PREP: variants seen among roughly 807,000 people sequenced by gnomAD.
PREP encodes the protein prolyl endopeptidase, also known as dJ355L5.1 (prolyl endopeptidase).
Under a neutral mutation model 87.6 loss-of-function variants are expected in PREP, and 29 were observed. The ratio of observed to expected loss-of-function variants is 0.33; its 90% CI spans 0.25 to 0.45. The LOEUF (loss-of-function observed/expected upper bound fraction) is 0.45. PREP is among the 20% of genes least tolerant of loss of function. The pLI, the probability that PREP is intolerant of heterozygous loss-of-function variation, is 1.00. For missense variants in PREP, 695 were observed against 886.5 expected (o/e 0.78, Z 2.74); for synonymous variants, 337 against 328.6 (o/e 1.03, Z -0.28).
intron 10 of PREP, among the ~76,000 whole-genome samples, chr6:105,316,250 A>G (rs1228644371): frequency 6.6e-6 from 1 of 152,164 alleles, no homozygotes; most frequent in African/African-American, 2.4e-5. Flanking sequence ...TAGGGTTATT[A>G]TTTGGCCTAA....
intron 10 of PREP, among the ~76,000 whole-genome samples, chr6:105,311,378 G>A (rs1562195231): frequency 1.3e-5 from 2 of 151,900 alleles, no homozygotes; most frequent in Non-Finnish European, 2.9e-5. Flanking sequence ...CTTCTCTTAG[G>A]TCCTCTCTGA....
At chr6:105,355,807 T>C (rs1280503592) in intron 6 of PREP, among the ~76,000 whole-genome samples, 1 of 152,230 alleles carries the variant, frequency 6.6e-6, no homozygotes, top group Non-Finnish European at 1.5e-5. Flanking sequence ...TAGTTTTGAT[T>C]GTCCTGTCTT....
chr6:105,355,398 G>A (rs949381096), intron 6 of PREP, among the ~76,000 whole-genome samples: 8 of 152,126 alleles, frequency 5.3e-5, no homozygotes, highest in African/African-American at 1.9e-4. Context: ...GGCAATCAAG[G>A]TAAACCCCAT....
chr6:105,362,114 C>T (rs1772264024), intron 6 of PREP, among the ~76,000 whole-genome samples: 1 of 152,190 alleles, frequency 6.6e-6, no homozygotes, highest in East Asian at 1.9e-4. Flanking sequence ...GATATAGGCA[C>T]TACTGTTTCT....
chr6:105,310,611 C>T (rs191995741), intron 10 of PREP, among the ~76,000 whole-genome samples: 11 of 152,262 alleles, frequency 7.2e-5, no homozygotes. Context: ...CAGCTCTCAC[C>T]TCCCTGGCTG....
chr6:105,283,877 T>TTACTC (rs757520799), intron 12 of PREP, among the ~76,000 whole-genome samples: 1 of 152,184 alleles, frequency 6.6e-6, no homozygotes, highest in Non-Finnish European at 1.5e-5. Context: ...TAGGACCAAA[T>TTACTC]TACTCTTCCC....
intron 10 of PREP, among the ~76,000 whole-genome samples, chr6:105,290,024 T>C (rs1770268921): frequency 6.6e-6 from 1 of 152,086 alleles, no homozygotes; most frequent in Admixed American, 6.5e-5. Flanking sequence ...ACGCCTGCAA[T>C]CTGGTAGCTT....
chr6:105,344,845 A>G (rs1456923758), intron 7 of PREP, among the ~76,000 whole-genome samples: 1 of 152,220 alleles, frequency 6.6e-6, no homozygotes, highest in East Asian at 1.9e-4. Flanking sequence ...AAAAGTAAAA[A>G]AAAATCATTC....
At chr6:105,282,397 G>A in intron 13 of PREP, 54 bp downstream of exon 13, 1 of 1,569,268 alleles carries the variant, frequency 6.4e-7, no homozygotes, top group Non-Finnish European at 8.6e-7. Context: ...TGGTGTATCT[G>A]AAAACCCCAA....
intron 2 of PREP, among the ~76,000 whole-genome samples, chr6:105,396,912 G>A (rs1024576487): frequency 3.3e-5 from 5 of 152,064 alleles, no homozygotes; most frequent in African/African-American, 7.2e-5. Flanking sequence ...GGCTGGGCGC[G>A]ATGGTGCACA....
chr6:105,333,834 A>AGTC (rs2114659679), intron 7 of PREP, among the ~76,000 whole-genome samples: 1 of 152,124 alleles, frequency 6.6e-6, no homozygotes, highest in Non-Finnish European at 1.5e-5. Flanking sequence ...CACCATTCCA[A>AGTC]GTCGTCGTCG....
intron 7 of PREP, 53 bp downstream of exon 7, chr6:105,352,919 T>C (rs982208871): frequency 1.4e-6 from 2 of 1,469,100 alleles, no homozygotes; most frequent in Non-Finnish European, 1.9e-6. Flanking sequence ...ACAATAATAC[T>C]TTTTAAATGA....
At chr6:105,329,160 T>C in intron 8 of PREP, 134 bp from the exon 9 acceptor site, 1 of 874,262 alleles carries the variant, frequency 1.1e-6, no homozygotes, top group Non-Finnish European at 1.7e-6. Flanking sequence ...TTTACATTTT[T>C]TTTTTTTTTT....
Position 105,282,574 on chromosome 6 carries a change from A to AGAT in PREP, c.1555_1557dup (p.Ile519dup), listed in dbSNP as rs1243050026. The AGAT allele has an allele frequency of 6.2e-7, 1 of 1,614,086 alleles. No homozygotes were observed. Among genetic ancestry groups the AGAT allele is most frequent in the South Asian group, 1.1e-5 (1 of 91,048 alleles). ...TCAAAGCAGTTTTGTTTGTTGGCCA[A>AGAT]GATACCACCTACAGTGTGCCAAAGT... On this transcript the variant is annotated inframe_insertion, in exon 13 of 15. Transcript: ENST00000652536.
intron 6 of PREP, among the ~76,000 whole-genome samples, chr6:105,361,215 T>G (rs1473778370): frequency 2.6e-5 from 4 of 152,320 alleles, no homozygotes; most frequent in African/African-American, 9.6e-5. Flanking sequence ...AAGCATTTCA[T>G]GTTTTAAACT....
At chr6:105,371,271 G>C (rs11968706) in intron 5 of PREP, among the ~76,000 whole-genome samples, 1 of 152,102 alleles carries the variant, frequency 6.6e-6, no homozygotes, top group East Asian at 1.9e-4. Context: ...TTGGGAGGCC[G>C]AGGTGGGAGG....
chr6:105,320,624 C>T (rs553965397), intron 10 of PREP, among the ~76,000 whole-genome samples: 96 of 152,302 alleles, frequency 6.3e-4, no homozygotes, highest in African/African-American at 2.2e-3. Context: ...ACTAACCATG[C>T]ACAGTAATCT....
At chr6:105,339,211 C>T (rs1434219651) in intron 7 of PREP, among the ~76,000 whole-genome samples, 2 of 152,178 alleles carry the variant, frequency 1.3e-5, no homozygotes, top group African/African-American at 2.4e-5. Context: ...CAGGCAGCAA[C>T]ATTCGCCATT....
rs1048381062 is a variant in PREP, at chr6:105,275,128, G to A, written c.*3016C>T. Among the ~76,000 whole-genome samples, 1 of 152,094 alleles carries A rather than the reference G, an allele frequency of 6.6e-6. No individual in the cohort carries two copies. Among genetic ancestry groups the A allele is most frequent in the South Asian group, 2.1e-4 (1 of 4,826 alleles). On this transcript the variant is annotated 3_prime_UTR_variant, in exon 15 of 15. Coordinates refer to ENST00000652536, the MANE Select transcript of PREP (RefSeq NM_002726.5). The stretch of plus-strand genomic sequence containing the variant: ...TGACCACCCCAACAGTATGACCTTT[G>A]CCTCTTTACAGCAACCTCCACAGCT...
Sources: gnomAD v4.1 joint callset for allele counts (sites outside exome capture counted in the v4.1 genomes callset) on GRCh38, gnomAD v4.1.1 for gene constraint, MANE v1.5 for transcripts, NCBI Gene and HGNC (gene_info 2026-07-23, HGNC 2026-07-21) for gene names.